Variants in HCN1 observed in about 807,000 individuals in gnomAD.
HCN1 encodes the protein potassium/sodium hyperpolarization-activated cyclic nucleotide-gated channel 1.
In HCN1, 13 loss-of-function variants were observed where a neutral mutation model predicts 78.9. That is an observed-to-expected ratio of 0.16 (90% CI 0.11 to 0.26). The LOEUF is 0.26. Among genes scored for constraint, HCN1 ranks in the 10% least tolerant of loss-of-function variants. HCN1 has a pLI of 1.00. For missense variants in HCN1, 810 were observed against 1,154.3 expected (o/e 0.70, Z 4.32); for synonymous variants, 552 against 455.5 (o/e 1.21, Z -2.70).
chr5:45,638,216 C>G (rs1580011501), intron 2 of HCN1, among the ~76,000 whole-genome samples: 1 of 152,010 alleles, frequency 6.6e-6, no homozygotes, highest in Non-Finnish European at 1.5e-5. Flanking sequence ...AAAAATGAAC[C>G]TACTGAGCTT....
chr5:45,279,648 C>T lies in HCN1; in HGVS notation c.1619-12395G>A, dbSNP rs373294055. On this transcript the variant is annotated intron_variant, in intron 6 of 7. Coordinates refer to ENST00000303230, the MANE Select transcript of HCN1 (RefSeq NM_021072.4). ...ATACCATAATAAAATCTCATATGTT[C>T]CTTGCTCAGATTAAACAATCATCAA... Among the ~76,000 whole-genome samples, 131 of 152,090 alleles carry T rather than the reference C, an allele frequency of 8.6e-4. 1 individual carries two copies. In the South Asian group the frequency reaches 0.018, roughly 21 times the overall value.
chr5:45,660,120 C>A (rs1367333042), intron 1 of HCN1, among the ~76,000 whole-genome samples: 1 of 119,754 alleles, frequency 8.4e-6, no homozygotes, highest in Non-Finnish European at 1.7e-5. Flanking sequence ...AGAAACCCTA[C>A]AAGCCAGAAG....
chr5:45,653,610 G>C (rs1471293312), intron 1 of HCN1, among the ~76,000 whole-genome samples: 1 of 151,742 alleles, frequency 6.6e-6, no homozygotes, highest in Admixed American at 6.6e-5. Flanking sequence ...ATATACTGCT[G>C]ATTTCCCAAT....
intron 3 of HCN1, among the ~76,000 whole-genome samples, chr5:45,446,463 G>T (rs1740798904): frequency 6.6e-6 from 1 of 152,104 alleles, no homozygotes; most frequent in Admixed American, 6.5e-5. Context: ...AAAACACTCT[G>T]CAGGATATTA....
At chr5:45,483,313 G>T (rs1428204841) in intron 2 of HCN1, among the ~76,000 whole-genome samples, 5 of 152,126 alleles carry the variant, frequency 3.3e-5, no homozygotes, top group South Asian at 2.1e-4. Context: ...TGACTGGTGT[G>T]ATATCTCACA....
intron 2 of HCN1, among the ~76,000 whole-genome samples, chr5:45,597,234 T>G (rs1015103570): frequency 2.6e-5 from 4 of 152,186 alleles, no homozygotes; most frequent in Admixed American, 2.6e-4. Flanking sequence ...TCAAGTCAAC[T>G]TCATCCCTGG....
At chr5:45,312,761 G>A (rs1291720245) in intron 5 of HCN1, among the ~76,000 whole-genome samples, 1 of 152,226 alleles carries the variant, frequency 6.6e-6, no homozygotes, top group Non-Finnish European at 1.5e-5. Context: ...ACAGAGCCTT[G>A]CTCATTGCTA....
chr5:45,492,622 C>T (rs1464722351), intron 2 of HCN1, among the ~76,000 whole-genome samples: 3 of 150,080 alleles, frequency 2.0e-5, no homozygotes, highest in African/African-American at 7.4e-5. Context: ...CTGTCTCAGC[C>T]TCCAAGTAAC....
intron 5 of HCN1, among the ~76,000 whole-genome samples, chr5:45,352,309 G>A (rs912230308): frequency 1.3e-5 from 2 of 151,662 alleles, no homozygotes; most frequent in African/African-American, 4.8e-5. Context: ...CTCACTCATA[G>A]GTGGGAATTG....
intron 3 of HCN1, among the ~76,000 whole-genome samples, chr5:45,399,830 A>G (rs1272325961): frequency 6.6e-6 from 1 of 152,150 alleles, no homozygotes; most frequent in Non-Finnish European, 1.5e-5. Flanking sequence ...CTCTCTATAT[A>G]TGTATTTTCG....
At chr5:45,505,732 T>C (rs1742284135) in intron 2 of HCN1, among the ~76,000 whole-genome samples, 1 of 152,162 alleles carries the variant, frequency 6.6e-6, no homozygotes, top group Non-Finnish European at 1.5e-5. Context: ...AAGCTTAGTT[T>C]ATTAATATTT....
chr5:45,588,537 G>C (rs1744288071), intron 2 of HCN1, among the ~76,000 whole-genome samples: 1 of 152,034 alleles, frequency 6.6e-6, no homozygotes, highest in Non-Finnish European at 1.5e-5. Flanking sequence ...TAGAATTCCT[G>C]ACCCCCTCCT....
At chr5:45,684,581 C>T (rs1739766238) in intron 1 of HCN1, among the ~76,000 whole-genome samples, 1 of 152,142 alleles carries the variant, frequency 6.6e-6, no homozygotes, top group Admixed American at 6.5e-5. Flanking sequence ...ATCAAATAGG[C>T]CAGGCACGGT....
At chr5:45,494,952 G>C (rs1367692404) in intron 2 of HCN1, among the ~76,000 whole-genome samples, 85 of 146,964 alleles carry the variant, frequency 5.8e-4, no homozygotes, top group African/African-American at 1.9e-3. Flanking sequence ...CTGTTCCATT[G>C]ATCTATATCT....
At chr5:45,571,306 T>C (rs1743828922) in intron 2 of HCN1, among the ~76,000 whole-genome samples, 1 of 152,124 alleles carries the variant, frequency 6.6e-6, no homozygotes, top group Non-Finnish European at 1.5e-5. Flanking sequence ...ATTGGGTATG[T>C]AGGGTTAAGT....
At chr5:45,318,623 T>G (rs745737311) in intron 5 of HCN1, among the ~76,000 whole-genome samples, 11 of 151,298 alleles carry the variant, frequency 7.3e-5, no homozygotes, top group Non-Finnish European at 1.5e-4. Flanking sequence ...AAAAAAAAAG[T>G]ATTTGCTTAC....
At chr5:45,600,468 G>A (rs909598326) in intron 2 of HCN1, among the ~76,000 whole-genome samples, 1 of 152,130 alleles carries the variant, frequency 6.6e-6, no homozygotes, top group East Asian at 1.9e-4. Context: ...TTTAGTTGCT[G>A]TAAGAACTTC....
chr5:45,271,361 C>T (rs989111748), intron 6 of HCN1, among the ~76,000 whole-genome samples: 4 of 39,876 alleles, frequency 1.0e-4, no homozygotes, highest in East Asian at 1.4e-3. Flanking sequence ...GATTCAGGTA[C>T]ACACACACAC....
chr5:45,347,967 C>G (rs1746785889), intron 5 of HCN1, among the ~76,000 whole-genome samples: 1 of 152,136 alleles, frequency 6.6e-6, no homozygotes, highest in African/African-American at 2.4e-5. Context: ...GAGAACTTCC[C>G]CAATCTAGCA....
Sources: allele counts gnomAD v4.1 joint callset (sites outside exome capture counted in the v4.1 genomes callset), GRCh38; gene constraint gnomAD v4.1.1; transcripts MANE v1.5; gene names NCBI Gene and HGNC (gene_info 2026-07-23, HGNC 2026-07-21).